Variants in N4BP1 observed in about 807,000 individuals in gnomAD.
The protein encoded by N4BP1 is NEDD4 binding protein 1, also known as NEDD4-binding protein 1.
Under a neutral mutation model 70.9 loss-of-function variants are expected in N4BP1, and 21 were observed. The observed-to-expected ratio is 0.30, with a 90% CI of 0.21 to 0.43. The LOEUF is 0.43. Among genes scored for constraint, N4BP1 ranks in the 20% least tolerant of loss-of-function variants. The pLI is 1.00. For synonymous variants in N4BP1, 387 were observed against 394.6 expected, an observed-to-expected ratio of 0.98 and a Z score of 0.23; for missense variants, 936 against 1,069.4, an observed-to-expected ratio of 0.88 and a Z score of 1.74.
At chr16:48,575,001 T>C (rs771554232) in intron 1 of N4BP1, among the ~76,000 whole-genome samples, 1 of 152,228 alleles carries the variant, frequency 6.6e-6, no homozygotes, top group Non-Finnish European at 1.5e-5. Context: ...ATGAACTGCA[T>C]AGTTTTGGGA....
rs1314568739 is a variant in N4BP1, at chr16:48,556,304, AC to A, written c.1890-2636del. Among the ~76,000 whole-genome samples the A allele has an allele frequency of 1.8e-4, 28 of 152,342 alleles. No individual in the cohort carries two copies. In the East Asian group the frequency reaches 5.2e-3, roughly 28 times the overall value. On this transcript the variant is annotated intron_variant, in intron 2 of 6. Coordinates refer to ENST00000262384, the MANE Select transcript of N4BP1 (RefSeq NM_153029.4). ...GCCAAATTATTGTCCTCAAAATAAT[AC>A]AGAGGGTCGATTAAGGACCCTTCTT...
At chr16:48,595,420 G>GCACT (rs1295700861) in intron 1 of N4BP1, among the ~76,000 whole-genome samples, 1 of 121,304 alleles carries the variant, frequency 8.2e-6, no homozygotes, top group Non-Finnish European at 1.6e-5. Context: ...TCACACCACT[G>GCACT]CACTCAAGCC....
Position 48,542,784 on chromosome 16 carries a change from C to T in N4BP1, c.*120G>A, listed in dbSNP as rs886107696. 3.3e-6 allele frequency: 3 copies of T among 919,602 alleles called. No homozygotes were observed. The highest frequency in any genetic ancestry group is 3.4e-5 in the African/African-American group (2 of 59,574). The allele number at this position is 919,602 out of a possible 1,614,324, so 57.0% of individuals were successfully genotyped here. The stretch of plus-strand genomic sequence containing the variant: ...ATACCCAAAACATTTTTTTTCTGTA[C>T]AACTGCGTTTACACTGGGAAATAAG... On this transcript the variant is annotated 3_prime_UTR_variant, in exon 7 of 7. Transcript: ENST00000262384.
chr16:48,608,953 G>A (rs1363171768), intron 1 of N4BP1, among the ~76,000 whole-genome samples: 1 of 151,490 alleles, frequency 6.6e-6, no homozygotes, highest in Non-Finnish European at 1.5e-5. Context: ...GGTGGCTCCC[G>A]CGTGTAGTCC....
At chr16:48,571,597 C>A (rs957835828) in intron 1 of N4BP1, among the ~76,000 whole-genome samples, 1 of 151,340 alleles carries the variant, frequency 6.6e-6, no homozygotes, top group African/African-American at 2.4e-5. Flanking sequence ...TGAGACTGAA[C>A]CCACAGAACA....
intron 4 of N4BP1, among the ~76,000 whole-genome samples, chr16:48,549,601 A>AT (rs1963636687): frequency 6.6e-6 from 1 of 152,102 alleles, no homozygotes; most frequent in Admixed American, 6.6e-5. Context: ...CTTCTCACCT[A>AT]TCCCCCCCGG....
chr16:48,588,149 A>G (rs1964275789), intron 1 of N4BP1, among the ~76,000 whole-genome samples: 2 of 152,196 alleles, frequency 1.3e-5, no homozygotes, highest in Admixed American at 1.3e-4. Flanking sequence ...TCACCCAAAT[A>G]CAAAGACGCT....
At chr16:48,557,294 C>T (rs1260497159) in intron 2 of N4BP1, among the ~76,000 whole-genome samples, 2 of 152,182 alleles carry the variant, frequency 1.3e-5, no homozygotes. Context: ...TGCTATGCAA[C>T]CCAAGACTTA....
chr16:48,594,045 A>G (rs958212189), intron 1 of N4BP1, among the ~76,000 whole-genome samples: 6 of 150,514 alleles, frequency 4.0e-5, no homozygotes, highest in Non-Finnish European at 8.8e-5. Context: ...TAGCTTTAGC[A>G]TTTTAAAGAT....
chr16:48,593,784 C>T (rs995419568), intron 1 of N4BP1, among the ~76,000 whole-genome samples: 20 of 152,002 alleles, frequency 1.3e-4, no homozygotes, highest in African/African-American at 3.9e-4. Context: ...CCGAGGCAGG[C>T]GGATCACCTG....
chr16:48,592,450 G>A (rs1419529455), intron 1 of N4BP1, among the ~76,000 whole-genome samples: 11 of 152,010 alleles, frequency 7.2e-5, no homozygotes, highest in East Asian at 3.8e-4. Flanking sequence ...GCCTTGTTTC[G>A]TGAAGGGCTC....
At chr16:48,552,549 T>C (rs1963685210) in intron 3 of N4BP1, among the ~76,000 whole-genome samples, 1 of 150,866 alleles carries the variant, frequency 6.6e-6, no homozygotes, top group Non-Finnish European at 1.5e-5. Context: ...AATACAAAAA[T>C]TAGCCGGGCG....
chr16:48,559,379 A>G (rs1456953005), intron 2 of N4BP1, among the ~76,000 whole-genome samples: 1 of 152,200 alleles, frequency 6.6e-6, no homozygotes, highest in Non-Finnish European at 1.5e-5. Context: ...AAGATTTGGC[A>G]ACTTCTCTCT....
rs1772223836 is a variant in N4BP1, at chr16:48,543,222, G to A, written c.2373C>T (p.Gly791=). The A allele has an allele frequency of 6.4e-7, 1 of 1,554,412 alleles. No homozygotes were observed. Among genetic ancestry groups the A allele is most frequent in the Non-Finnish European group, 8.7e-7 (1 of 1,148,746 alleles). Reference sequence around the variant, plus strand: ...GGACTCTGAAGCTGGGGTCAAACATGCCCACATTTGGCAGGGCACTGAGTA... The same window carrying A: ...GGACTCTGAAGCTGGGGTCAAACATACCCACATTTGGCAGGGCACTGAGTA... ...QPLLSALPNV[G]MFDPSFRVPG... Residue 791 remains glycine (G), a synonymous_variant, in exon 7 of 7, where the codon GGC becomes GGT. Transcript: ENST00000262384.
chr16:48,581,853 T>C (rs1156518894), intron 1 of N4BP1, among the ~76,000 whole-genome samples: 1 of 152,036 alleles, frequency 6.6e-6, no homozygotes, highest in African/African-American at 2.4e-5. Context: ...ATGAAACTAC[T>C]AGATGAAAAC....
At position 48,542,969 on chromosome 16, in the gene N4BP1, G is replaced by C. The variant is rs927570784; in HGVS notation, c.2626C>G (p.Gln876Glu). ...PDSEQRLKID[Q>E]ILVAHPYMKD... ...ATGTATGGGTGGGCCACCAAGATCT[G>C]GTCTATTTTCAGTCTTTGCTCTGAG... Residue 876 changes from glutamine to glutamate, a missense_variant, in exon 7 of 7, where the codon CAG (glutamine) becomes GAG (glutamate). By Grantham distance (29) the Gln-to-Glu change is conservative (BLOSUM62 2). Coordinates refer to ENST00000262384, the MANE Select transcript of N4BP1 (RefSeq NM_153029.4). The C allele has an allele frequency of 6.2e-7, 1 of 1,613,906 alleles. No homozygotes were observed. The highest frequency in any genetic ancestry group is 1.7e-5 in the Admixed American group (1 of 60,014).
At chr16:48,584,856 G>GT (rs1964221201) in intron 1 of N4BP1, among the ~76,000 whole-genome samples, 1 of 152,120 alleles carries the variant, frequency 6.6e-6, no homozygotes, top group Non-Finnish European at 1.5e-5. Context: ...ACGCAAATCA[G>GT]TATTATTTTA....
intron 4 of N4BP1, among the ~76,000 whole-genome samples, chr16:48,549,911 T>C (rs1963641879): frequency 6.6e-6 from 1 of 152,172 alleles, no homozygotes; most frequent in Non-Finnish European, 1.5e-5. Flanking sequence ...GTTAGTGCTA[T>C]AAGCCAGATG....
At chr16:48,574,936 CACAG>C (rs1964070487) in intron 1 of N4BP1, among the ~76,000 whole-genome samples, 1 of 152,166 alleles carries the variant, frequency 6.6e-6, no homozygotes, top group Admixed American at 6.5e-5. Context: ...AAAGGCTGAC[CACAG>C]ACAGAGTTGT....
Sources: gnomAD v4.1 joint callset for allele counts (sites outside exome capture counted in the v4.1 genomes callset) on GRCh38, gnomAD v4.1.1 for gene constraint, MANE v1.5 for transcripts, NCBI Gene and HGNC (gene_info 2026-07-23, HGNC 2026-07-21) for gene names.